CASD1: variants seen among roughly 807,000 people sequenced by gnomAD.
The protein encoded by CASD1 is N-acetylneuraminate (7)9-O-acetyltransferase.
Under a neutral mutation model 100.0 loss-of-function variants are expected in CASD1, and 41 were observed. That is an observed-to-expected ratio of 0.41 (90% CI 0.32 to 0.53). CASD1 has a LOEUF of 0.53. CASD1 is among the 20% of genes least tolerant of loss of function. The probability of loss-of-function intolerance (pLI) is 0.25; values close to 1 mark genes in which losing one functional copy is unlikely to be tolerated. For missense variants in CASD1, 774 were observed against 948.7 expected (o/e 0.82, Z 2.42); for synonymous variants, 321 against 315.6 (o/e 1.02, Z -0.18).
At chr7:94,600,645 C>T in the CASD1 span, 1 of 1,609,164 alleles carries the variant, frequency 6.2e-7, no homozygotes, top group Non-Finnish European at 8.5e-7. Flanking sequence ...AAAGTACTCA[C>T]ACGCCTTCCC....
intron 13 of CASD1, among the ~76,000 whole-genome samples, chr7:94,547,513 G>T (rs527305550): frequency 6.6e-6 from 1 of 151,872 alleles, no homozygotes; most frequent in Non-Finnish European, 1.5e-5. Flanking sequence ...TTTGCAGCTA[G>T]TTTGTGTATT....
rs1259854082 is a variant in CASD1 at position 94,545,681 on chromosome 7, T to A, written c.1613T>A (p.Ile538Lys). ...IYVTLALWPQ[I>K]IQKKANGNCF... The stretch of plus-strand genomic sequence containing the variant: ...GTTACTTTAGCACTATGGCCACAAA[T>A]AATCCAAAAAAAAGCAAACGGTAAA... Residue 538 changes from isoleucine to lysine, a missense_variant, in exon 12 of 18, where the codon ATA (isoleucine) becomes AAA (lysine). Coordinates refer to ENST00000297273, the MANE Select transcript of CASD1 (RefSeq NM_022900.5). 2.5e-6 allele frequency: 4 copies of A among 1,593,114 alleles called. No individual in the cohort carries two copies. Among genetic ancestry groups the A allele is most frequent in the Admixed American group, 3.5e-5 (2 of 57,232 alleles).
At chr7:94,562,313 C>T in the CASD1 span, among the ~76,000 whole-genome samples, 6 of 152,124 alleles carry the variant, frequency 3.9e-5, no homozygotes, top group African/African-American at 1.2e-4. Context: ...TTTTGCCTAG[C>T]CTTATAAGCC....
chr7:94,566,831 G>A, the CASD1 span, among the ~76,000 whole-genome samples: 1 of 152,100 alleles, frequency 6.6e-6, no homozygotes, highest in Non-Finnish European at 1.5e-5. Flanking sequence ...ATTTGTCTGT[G>A]ATTAAGAGCA....
chr7:94,554,726 A>G, intron 17 of CASD1, 151 bp downstream of exon 17: 1 of 517,282 alleles, frequency 1.9e-6, no homozygotes, highest in Non-Finnish European at 3.4e-6. Context: ...ATTACAGGGA[A>G]AAGACTTAGA....
Position 94,510,057 on chromosome 7 carries a change from C to G in CASD1, c.-28C>G, listed in dbSNP as rs753038167. 7 of 1,489,102 alleles carry G rather than the reference C, an allele frequency of 4.7e-6. No homozygotes were observed. The South Asian group carries it at 9.0e-5, about 19-fold the overall frequency. 92.2% of individuals were successfully genotyped at this position (1,489,102 alleles called of 1,614,324 possible). A position where few individuals can be genotyped will look rare whatever the true frequency, so the allele number is the denominator to read the frequency against. On this transcript the variant is annotated 5_prime_UTR_variant, in exon 1 of 18. Coordinates refer to ENST00000297273, the MANE Select transcript of CASD1 (RefSeq NM_022900.5). ...GTGCGGCGCCCCTTTCCCGCTCCGC[C>G]GCGCACTGTTGTCATGGAGGAACCA...
chr7:94,525,048 T>G (rs1794488508), intron 3 of CASD1, among the ~76,000 whole-genome samples: 1 of 152,168 alleles, frequency 6.6e-6, no homozygotes, highest in South Asian at 2.1e-4. Flanking sequence ...AGATATATGC[T>G]TAAGTATTTA....
At chr7:94,615,419 T>C in the CASD1 span, among the ~76,000 whole-genome samples, 9 of 121,610 alleles carry the variant, frequency 7.4e-5, no homozygotes, top group Non-Finnish European at 1.1e-4. Context: ...GATAGATAGA[T>C]AGATAAAGGG....
the CASD1 span, among the ~76,000 whole-genome samples, chr7:94,571,189 C>T: frequency 6.6e-6 from 1 of 151,942 alleles, no homozygotes; most frequent in Non-Finnish European, 1.5e-5. Context: ...TACCACAGGC[C>T]CATGCCACCA....
chr7:94,586,061 GAAAA>G, the CASD1 span, among the ~76,000 whole-genome samples: 1 of 28,904 alleles, frequency 3.5e-5, no homozygotes, highest in Non-Finnish European at 5.9e-5. Context: ...GGAACTAAAT[GAAAA>G]AAAAAAAAAA....
rs764958730 is a variant in CASD1 at position 94,528,236 on chromosome 7, A to G, written c.445A>G (p.Lys149Glu). The G allele has an allele frequency of 1.9e-6, 3 of 1,606,428 alleles. No individual in the cohort carries two copies. The highest frequency in any genetic ancestry group is 2.2e-5 in the East Asian group (1 of 44,708). The stretch of plus-strand genomic sequence containing the variant: ...TAATGGTTCTATGAAACAGTGTATC[A>G]AAGTGTGGACTGAGGTCTGTATTTA... ...EVNGSMKQCI[K>E]VWTEDSIAKP... The change falls in exon 5 of 18, where the codon AAA becomes GAA. Residue 149 changes from lysine to glutamate, a missense_variant. Physicochemically the swap from Lys to Glu is moderately conservative, Grantham distance 56 (BLOSUM62 1). Coordinates refer to ENST00000297273, the MANE Select transcript of CASD1 (RefSeq NM_022900.5).
chr7:94,568,310 G>T, the CASD1 span, among the ~76,000 whole-genome samples: 1 of 152,048 alleles, frequency 6.6e-6, no homozygotes, highest in Non-Finnish European at 1.5e-5. Flanking sequence ...AATAATACTG[G>T]CAAGAAGGTT....
At chr7:94,597,593 G>T in the CASD1 span, 1 of 152,154 alleles carries the variant, frequency 6.6e-6, no homozygotes, top group Non-Finnish European at 1.5e-5. Flanking sequence ...GAGAAAGAGA[G>T]ATTTTTCTGC....
intron 10 of CASD1, among the ~76,000 whole-genome samples, chr7:94,539,553 C>T (rs1035310260): frequency 6.6e-6 from 1 of 151,414 alleles, no homozygotes; most frequent in African/African-American, 2.4e-5. Context: ...CCTGTAATCC[C>T]AGCTACTCGG....
At chr7:94,611,778 G>A in the CASD1 span, among the ~76,000 whole-genome samples, 46 of 152,026 alleles carry the variant, frequency 3.0e-4, no homozygotes, top group African/African-American at 9.4e-4. Flanking sequence ...AACTGTGTTC[G>A]AGAATATGTT....
the CASD1 span, chr7:94,628,631 T>C: frequency 6.7e-5 from 27 of 402,628 alleles, no homozygotes; most frequent in African/African-American, 5.5e-4. Flanking sequence ...CTAACAGTGA[T>C]ATAGTTCTGC....
chr7:94,537,381 T>G, intron 8 of CASD1, 91 bp from the exon 9 acceptor site: 1 of 1,125,756 alleles, frequency 8.9e-7, no homozygotes, highest in Non-Finnish European at 1.3e-6. Flanking sequence ...CTGGTTTCAG[T>G]GCTAAAAACT....
At chr7:94,631,039 G>C in the CASD1 span, among the ~76,000 whole-genome samples, 3 of 152,102 alleles carry the variant, frequency 2.0e-5, no homozygotes, top group East Asian at 5.8e-4. Context: ...CGTATCTACA[G>C]ATTTACTACT....
chr7:94,587,427 T>C, the CASD1 span: 14 of 1,157,204 alleles, frequency 1.2e-5, no homozygotes, highest in Non-Finnish European at 1.5e-5. Flanking sequence ...AATCAGAAGA[T>C]AGAAATCTTA....
Sources: gnomAD v4.1 joint callset for allele counts (sites outside exome capture counted in the v4.1 genomes callset) on GRCh38, gnomAD v4.1.1 for gene constraint, MANE v1.5 for transcripts, NCBI Gene and HGNC (gene_info 2026-07-23, HGNC 2026-07-21) for gene names.